Variants in CDH23 observed in about 807,000 individuals in gnomAD.
CDH23 encodes cadherin-23.
CDH23 carries 189 observed loss-of-function variants against 317.1 expected under a neutral mutation model. The ratio of observed to expected loss-of-function variants is 0.60; its 90% confidence interval spans 0.53 to 0.67. The LOEUF is 0.67. Ranked by LOEUF, CDH23 falls within the 30% of genes least tolerant of loss-of-function variation. The probability of loss-of-function intolerance (pLI) is 0.00; values close to 1 mark genes in which losing one functional copy is unlikely to be tolerated. For synonymous variants in CDH23, 1,839 were observed against 1,876.8 expected (o/e 0.98, Z 0.52); for missense variants, 4,401 against 4,592.4 (o/e 0.96, Z 1.20).
rs897818281 is a variant in CDH23 at position 71,810,093 on chromosome 10, C to A, written c.8979+17C>A. 96 of 1,608,714 alleles carry A rather than the reference C, an allele frequency of 6.0e-5. 1 individual carries two copies. Among genetic ancestry groups the A allele is most frequent in the South Asian group, 2.5e-4 (23 of 91,030 alleles). On this transcript the variant is annotated intron_variant, in intron 61 of 69. Transcript: ENST00000224721. ...AATGTGCAGGTGCCTCATGGGCCCA[C>A]CCGGGGCCGGGGCAGTGGAGGGAGA...
intron 38 of CDH23, among the ~76,000 whole-genome samples, chr10:71,774,051 G>GCGCACA (rs1491406336): frequency 3.5e-4 from 31 of 88,556 alleles, no homozygotes; most frequent in South Asian, 2.6e-3. Context: ...ATGCGCGCGC[G>GCGCACA]CACACACACA....
intron 6 of CDH23, among the ~76,000 whole-genome samples, chr10:71,560,899 A>G (rs547359668): frequency 1.2e-4 from 18 of 152,324 alleles, no homozygotes; most frequent in African/African-American, 4.1e-4. Context: ...GCATTCCATA[A>G]ATATTAATAA....
intron 20 of CDH23, among the ~76,000 whole-genome samples, chr10:71,693,369 A>T (rs1014769707): frequency 2.6e-5 from 4 of 152,204 alleles, no homozygotes; most frequent in Admixed American, 1.3e-4. Flanking sequence ...ACACCAAAAT[A>T]CAAAGAAAGA....
Position 71,682,585 on chromosome 10 carries a change from G to T in CDH23, c.1986+13G>T. ...CATCGAGGTGTTTGTAAGTACCCAG[G>T]GCCACTGGCCTTGCCCTGCTAGTGT... On this transcript the variant is annotated intron_variant, in intron 18 of 69. Coordinates refer to ENST00000224721, the MANE Select transcript of CDH23 (RefSeq NM_022124.6). 6.2e-7 allele frequency: 1 copy of T among 1,612,088 alleles called. No individual in the cohort carries two copies.
At chr10:71,563,364 C>G (rs1589212064) in intron 6 of CDH23, among the ~76,000 whole-genome samples, 1 of 151,940 alleles carries the variant, frequency 6.6e-6, no homozygotes, top group African/African-American at 2.4e-5. Flanking sequence ...CCCCCAGGTG[C>G]CCCCCTCACC....
chr10:71,721,105 G>C (rs986632315), intron 28 of CDH23, among the ~76,000 whole-genome samples: 12 of 152,244 alleles, frequency 7.9e-5, no homozygotes, highest in Non-Finnish European at 1.6e-4. Flanking sequence ...AAAGCTTCCA[G>C]GGTGGTGCAG....
chr10:71,803,160 C>T (rs372392266), intron 54 of CDH23, 49 bp from the exon 55 acceptor site: 5 of 1,604,414 alleles, frequency 3.1e-6, no homozygotes, highest in African/African-American at 1.3e-5. Flanking sequence ...TAGAGGGAAG[C>T]GTGGGAAGGA....
chr10:71,569,507 G>A (rs546780772), intron 7 of CDH23, among the ~76,000 whole-genome samples: 2 of 152,324 alleles, frequency 1.3e-5, no homozygotes, highest in East Asian at 3.9e-4. Context: ...TCACAGAAAA[G>A]GACATCAGAT....
At chr10:71,536,236 G>C (rs1477834636) in intron 6 of CDH23, among the ~76,000 whole-genome samples, 1 of 152,238 alleles carries the variant, frequency 6.6e-6, no homozygotes, top group Non-Finnish European at 1.5e-5. Flanking sequence ...GAGGGCTCGA[G>C]GCACCCTGAA....
chr10:71,808,281 C>A (rs752549171), intron 60 of CDH23, among the ~76,000 whole-genome samples: 6 of 152,228 alleles, frequency 3.9e-5, no homozygotes, highest in Non-Finnish European at 5.9e-5. Context: ...CATGTATCCA[C>A]ACTTCTGGCT....
Position 71,682,592 on chromosome 10 carries a change from G to A in CDH23, c.1986+20G>A. 3 of 1,611,322 alleles carry A rather than the reference G, an allele frequency of 1.9e-6. No homozygotes were observed. The highest frequency in any genetic ancestry group is 2.5e-6 in the Non-Finnish European group (3 of 1,178,774). Reference sequence around the variant, plus strand: ...GTGTTTGTAAGTACCCAGGGCCACTGGCCTTGCCCTGCTAGTGTAAGGGAT... The same window carrying A: ...GTGTTTGTAAGTACCCAGGGCCACTAGCCTTGCCCTGCTAGTGTAAGGGAT... On this transcript the variant is annotated intron_variant, in intron 18 of 69. Transcript: ENST00000224721.
At chr10:71,527,234 G>A (rs1299029181) in intron 6 of CDH23, among the ~76,000 whole-genome samples, 1 of 152,242 alleles carries the variant, frequency 6.6e-6, no homozygotes, top group Non-Finnish European at 1.5e-5. Flanking sequence ...GCACGCACGC[G>A]TGCACACACC....
At chr10:71,597,233 G>A (rs1349092930) in intron 9 of CDH23, among the ~76,000 whole-genome samples, 2 of 152,044 alleles carry the variant, frequency 1.3e-5, no homozygotes, top group African/African-American at 2.4e-5. Flanking sequence ...AGCAGGCATC[G>A]CCACCTCCTC....
At chr10:71,707,592 T>C in intron 26 of CDH23, 1 of 941,454 alleles carries the variant, frequency 1.1e-6, no homozygotes, top group Non-Finnish European at 1.3e-6. Flanking sequence ...TGAGCTGCAA[T>C]GGATTAGTGA....
intron 41 of CDH23, among the ~76,000 whole-genome samples, chr10:71,783,980 A>T (rs914064888): frequency 9.2e-5 from 14 of 152,162 alleles, no homozygotes; most frequent in Admixed American, 3.3e-4. Context: ...CAACATAGCC[A>T]TCTTACCCAG....
rs118071617 is a variant in CDH23 at position 71,473,289 on chromosome 10, T to C, written c.145+26894T>C. 1.4e-3 allele frequency among the ~76,000 whole-genome samples: 211 copies of C among 152,322 alleles called. 7 individuals are homozygous for C. The East Asian group carries it at 0.036, about 26-fold the overall frequency. On this transcript the variant is annotated intron_variant, in intron 3 of 69. Coordinates refer to ENST00000224721, the MANE Select transcript of CDH23 (RefSeq NM_022124.6). ...AGGGGCTGTAAATGGAAGTACAGGT[T>C]CTCCACAGCATCAAGTGGATGGAGA...
chr10:71,778,090 C>G (rs1564788948), intron 39 of CDH23, 99 bp from the exon 40 acceptor site: 1 of 1,534,658 alleles, frequency 6.5e-7, no homozygotes, highest in East Asian at 2.4e-5. Flanking sequence ...GGTTCCCCAT[C>G]ACAGCTCCAA....
rs775035774 is a variant in CDH23 at position 71,566,793 on chromosome 10, T to C, written c.481T>C (p.Leu161=). Residue 161 remains leucine (L), a synonymous_variant, in exon 7 of 70, where the codon TTG becomes CTG. Transcript: ENST00000224721. ...IFIVNATDPD[L]GAGGSVLYSF... ...CATCGTGAATGCCACAGACCCCGACTTGGGGGCAGGGGGCAGCGTCCTCTA... is the reference window on the plus strand; with the variant it reads ...CATCGTGAATGCCACAGACCCCGACCTGGGGGCAGGGGGCAGCGTCCTCTA... 6 of 1,612,918 alleles carry C rather than the reference T, an allele frequency of 3.7e-6. No homozygotes were observed. The East Asian group carries it at 1.3e-4, about 36-fold the overall frequency.
intron 35 of CDH23, 118 bp downstream of exon 35, chr10:71,738,765 C>T (rs966556596): frequency 7.9e-7 from 1 of 1,271,986 alleles, no homozygotes; most frequent in African/African-American, 1.5e-5. Flanking sequence ...CTTCCGGTCT[C>T]TGCCCCTGCA....
Sources: allele counts gnomAD v4.1 joint callset (sites outside exome capture counted in the v4.1 genomes callset), GRCh38; gene constraint gnomAD v4.1.1; transcripts MANE v1.5; gene names NCBI Gene and HGNC (gene_info 2026-07-23, HGNC 2026-07-21).